The following ROBO1 variants were observed in gnomAD, a reference collection of about 807,000 sequenced individuals.
ROBO1 encodes the protein roundabout guidance receptor 1, also known as roundabout homolog 1.
Under a neutral mutation model 195.9 loss-of-function variants are expected in ROBO1, and 149 were observed. The ratio of observed to expected loss-of-function variants is 0.76; its 90% CI spans 0.67 to 0.87. The LOEUF is 0.87. ROBO1 is among the 40% of genes least tolerant of loss of function. The pLI is 0.00. For synonymous variants in ROBO1, 816 were observed against 733.2 expected, an observed-to-expected ratio of 1.11 and a Z score of -1.82; for missense variants, 1,933 against 2,068.3, an observed-to-expected ratio of 0.93 and a Z score of 1.27.
intron 4 of ROBO1, among the ~76,000 whole-genome samples, chr3:78,779,625 G>A (rs950107649): frequency 1.3e-5 from 2 of 152,178 alleles, no homozygotes; most frequent in East Asian, 1.9e-4. Context: ...TGAAGAGGAT[G>A]TGAAGAAATG....
intron 2 of ROBO1, among the ~76,000 whole-genome samples, chr3:79,366,113 T>A (rs1472831638): frequency 1.3e-5 from 2 of 152,080 alleles, no homozygotes; most frequent in Middle Eastern, 6.3e-3. Flanking sequence ...GTATTAAGAC[T>A]TAGCAAGTGG....
chr3:78,778,562 A>C (rs1004881843), intron 4 of ROBO1, among the ~76,000 whole-genome samples: 9 of 152,322 alleles, frequency 5.9e-5, no homozygotes, highest in South Asian at 4.1e-4. Context: ...ACAACTTACA[A>C]GGGACATGAA....
At chr3:79,684,038 G>A (rs1456189289) in intron 1 of ROBO1, among the ~76,000 whole-genome samples, 1 of 152,070 alleles carries the variant, frequency 6.6e-6, no homozygotes, top group East Asian at 1.9e-4. Context: ...GTTCTCCAAA[G>A]TGTTTGCGCC....
At chr3:79,706,333 T>A (rs1947769122) in intron 1 of ROBO1, among the ~76,000 whole-genome samples, 1 of 152,290 alleles carries the variant, frequency 6.6e-6, no homozygotes, top group South Asian at 2.1e-4. Flanking sequence ...CCCTCTATTT[T>A]TATTTAACTG....
chr3:78,931,483 C>T (rs1014838572), intron 4 of ROBO1, among the ~76,000 whole-genome samples: 2 of 151,778 alleles, frequency 1.3e-5, no homozygotes, highest in Non-Finnish European at 1.5e-5. Flanking sequence ...TAACCTCAAG[C>T]GATCTGCCCA....
chr3:79,267,674 A>G (rs751527703), intron 2 of ROBO1, among the ~76,000 whole-genome samples: 4 of 151,420 alleles, frequency 2.6e-5, no homozygotes, highest in Non-Finnish European at 4.4e-5. Context: ...CACTTTCCAC[A>G]GTCCTGATGC....
chr3:78,926,082 G>A (rs74813518), intron 4 of ROBO1, among the ~76,000 whole-genome samples: 2 of 151,892 alleles, frequency 1.3e-5, no homozygotes, highest in African/African-American at 4.8e-5. Context: ...TGTTGGCCAG[G>A]CTGGTCTCAA....
chr3:79,693,572 C>T (rs1280184811), intron 1 of ROBO1, among the ~76,000 whole-genome samples: 1 of 151,650 alleles, frequency 6.6e-6, no homozygotes, highest in Non-Finnish European at 1.5e-5. Flanking sequence ...GGTAGGGCTA[C>T]AGTTGTACAC....
chr3:78,772,703 G>A (rs1345103387), intron 4 of ROBO1, among the ~76,000 whole-genome samples: 1 of 151,986 alleles, frequency 6.6e-6, no homozygotes, highest in East Asian at 1.9e-4. Context: ...TATGAATTAT[G>A]AGTCTACTTC....
chr3:79,323,686 G>A (rs6769328), intron 2 of ROBO1, among the ~76,000 whole-genome samples: 109,738 of 152,056 alleles, frequency 0.72, 40,995 homozygotes, highest in African/African-American at 0.93. Flanking sequence ...TAAACCGACC[G>A]TATCTTTCGA....
At chr3:79,373,862 A>T (rs1270386270) in intron 2 of ROBO1, among the ~76,000 whole-genome samples, 1 of 152,186 alleles carries the variant, frequency 6.6e-6, no homozygotes, top group Non-Finnish European at 1.5e-5. Flanking sequence ...GATTTAAAAC[A>T]TCCCTTGGGG....
intron 2 of ROBO1, among the ~76,000 whole-genome samples, chr3:79,255,125 A>C (rs1293831615): frequency 6.6e-6 from 1 of 152,198 alleles, no homozygotes; most frequent in Non-Finnish European, 1.5e-5. Flanking sequence ...TTATGCGTCC[A>C]TTATCCATAT....
chr3:79,645,625 C>T (rs1301945242), intron 1 of ROBO1, among the ~76,000 whole-genome samples: 2 of 152,106 alleles, frequency 1.3e-5, no homozygotes, highest in Middle Eastern at 3.4e-3. Context: ...AAGACCAATC[C>T]TACACTTTAT....
At chr3:79,700,977 A>G (rs1010310762) in intron 1 of ROBO1, among the ~76,000 whole-genome samples, 7 of 151,770 alleles carry the variant, frequency 4.6e-5, no homozygotes, top group African/African-American at 1.7e-4. Flanking sequence ...TTAAATATTT[A>G]ATACATCTTG....
chr3:79,090,284 A>G (rs887773289), intron 3 of ROBO1, among the ~76,000 whole-genome samples: 1 of 152,244 alleles, frequency 6.6e-6, no homozygotes, highest in South Asian at 2.1e-4. Context: ...TGGAAAGGCA[A>G]GCCAATTAAT....
chr3:79,125,429 T>A, intron 3 of ROBO1, 27 bp downstream of exon 3: 2 of 1,586,024 alleles, frequency 1.3e-6, no homozygotes, highest in Non-Finnish European at 1.7e-6. Context: ...CAGGAGGAAG[T>A]TAGTATTTGG....
chr3:79,584,280 T>TA lies in ROBO1; in HGVS notation c.88+5543dup, dbSNP rs1560014905. Among the ~76,000 whole-genome samples the TA allele has an allele frequency of 7.1e-5, 10 of 141,736 alleles. No individual in the cohort carries two copies. In the South Asian group the frequency reaches 2.2e-3, roughly 32 times the overall value. The allele number at this position is 141,736 out of a possible 152,430, so 93.0% of individuals were successfully genotyped here. ...TATATATATATATATATATATATATTACTACATATATATATATGCTGTTAC... is the reference window on the plus strand; with the variant it reads ...TATATATATATATATATATATATATTAACTACATATATATATATGCTGTTAC... On this transcript the variant is annotated intron_variant, in intron 2 of 30. Transcript: ENST00000464233.
chr3:79,368,463 G>A (rs564689006), intron 2 of ROBO1, among the ~76,000 whole-genome samples: 26 of 152,098 alleles, frequency 1.7e-4, no homozygotes, highest in Non-Finnish European at 3.2e-4. Flanking sequence ...GCAACTCAGT[G>A]GGCTCAGGGA....
intron 1 of ROBO1, among the ~76,000 whole-genome samples, chr3:79,674,850 G>C (rs1946736832): frequency 6.6e-6 from 1 of 151,730 alleles, no homozygotes; most frequent in East Asian, 1.9e-4. Context: ...GTGTGTGTGT[G>C]TGTGTGTGTG....
Sources: gnomAD v4.1 joint callset for allele counts (sites outside exome capture counted in the v4.1 genomes callset) on GRCh38, gnomAD v4.1.1 for gene constraint, MANE v1.5 for transcripts, NCBI Gene and HGNC (gene_info 2026-07-23, HGNC 2026-07-21) for gene names.